TF: variants seen among roughly 807,000 people sequenced by gnomAD.
The protein encoded by TF is transferrin.
TF carries 55 observed loss-of-function variants against 82.4 expected under a neutral mutation model. That is an observed-to-expected ratio of 0.67 (90% CI 0.54 to 0.84). The LOEUF is 0.84. Ranked by LOEUF, TF falls within the 40% of genes least tolerant of loss-of-function variation. The probability of loss-of-function intolerance (pLI) is 0.00; values close to 1 mark genes in which losing one functional copy is unlikely to be tolerated. For missense variants in TF, 737 were observed against 868.4 expected (o/e 0.85, Z 1.90); for synonymous variants, 332 against 332.6 (o/e 1.00, Z 0.02).
At chr3:133,749,817 A>G (rs939697417) in intron 2 of TF, among the ~76,000 whole-genome samples, 1 of 152,196 alleles carries the variant, frequency 6.6e-6, no homozygotes, top group African/African-American at 2.4e-5. Context: ...TGGGGGAAAG[A>G]GCTAGGCTCC....
chr3:133,731,218 C>T, the TF span, among the ~76,000 whole-genome samples: 13 of 152,232 alleles, frequency 8.5e-5, no homozygotes, highest in African/African-American at 2.9e-4. Flanking sequence ...TCAGCTTAAC[C>T]AGCTGAACAG....
the TF span, among the ~76,000 whole-genome samples, chr3:133,682,356 CT>C: frequency 6.6e-6 from 1 of 152,184 alleles, no homozygotes; most frequent in Admixed American, 6.5e-5. Flanking sequence ...CAGAGAATGA[CT>C]TTGACGAGTT....
intron 10 of TF, 32 bp from the exon 11 acceptor site, chr3:133,764,832 AAATCAGGGTTT>A: frequency 6.3e-7 from 1 of 1,598,106 alleles, no homozygotes; most frequent in Non-Finnish European, 8.6e-7. Context: ...CCCAATCTAT[AAATCAGGGTTT>A]AATGCCTTTT....
At chr3:133,729,103 G>C in the TF span, among the ~76,000 whole-genome samples, 2 of 152,190 alleles carry the variant, frequency 1.3e-5, no homozygotes, top group African/African-American at 4.8e-5. Context: ...TGGGGGTCAG[G>C]GGTCAGAGGG....
intron 4 of TF, 140 bp downstream of exon 4, chr3:133,754,811 G>A (rs1034855838): frequency 3.1e-6 from 3 of 968,832 alleles, no homozygotes; most frequent in Admixed American, 3.6e-5. Context: ...CTTTAAACTG[G>A]CAGGTCTGCT....
the TF span, among the ~76,000 whole-genome samples, chr3:133,673,092 C>T: frequency 6.6e-6 from 1 of 152,026 alleles, no homozygotes; most frequent in Non-Finnish European, 1.5e-5. Flanking sequence ...ATTAATAGTT[C>T]GGCAGTAACT....
At chr3:133,699,611 C>T in the TF span, 1 of 542,932 alleles carries the variant, frequency 1.8e-6, no homozygotes, top group African/African-American at 1.9e-5. Context: ...AGAAGCTTCT[C>T]AACCAGGTCC....
intron 14 of TF, chr3:133,774,802 G>T: frequency 5.1e-6 from 1 of 194,680 alleles, no homozygotes; most frequent in Non-Finnish European, 1.1e-5. Flanking sequence ...ATAAAAATTA[G>T]CAAAACATAT....
At chr3:133,716,691 A>G in the TF span, among the ~76,000 whole-genome samples, 25 of 152,142 alleles carry the variant, frequency 1.6e-4, no homozygotes, top group Non-Finnish European at 3.2e-4. Context: ...GTTAAACTTA[A>G]AGCATTACAT....
At chr3:133,695,129 G>A in the TF span, among the ~76,000 whole-genome samples, 1 of 152,216 alleles carries the variant, frequency 6.6e-6, no homozygotes, top group Middle Eastern at 3.4e-3. Context: ...CCAGCAGTCC[G>A]GGCTGACCCT....
chr3:133,763,278 A>G (rs1310943872), intron 9 of TF, among the ~76,000 whole-genome samples: 1 of 152,254 alleles, frequency 6.6e-6, no homozygotes, highest in African/African-American at 2.4e-5. Flanking sequence ...ATGTGAAATT[A>G]CATACATTTC....
chr3:133,704,409 T>G, the TF span: 1 of 184,874 alleles, frequency 5.4e-6, no homozygotes, highest in Non-Finnish European at 1.2e-5. Flanking sequence ...AGTTTAGTGT[T>G]GAGATAATAA....
the TF span, among the ~76,000 whole-genome samples, chr3:133,710,342 G>A: frequency 6.6e-6 from 1 of 152,152 alleles, no homozygotes; most frequent in African/African-American, 2.4e-5. Context: ...GCTGGAGAGC[G>A]TCACAGCGCG....
the TF span, among the ~76,000 whole-genome samples, chr3:133,692,385 C>T: frequency 3.9e-5 from 6 of 152,132 alleles, no homozygotes; most frequent in Non-Finnish European, 5.9e-5. Context: ...ACCTTTACTT[C>T]GTGTTTGAGC....
the TF span, among the ~76,000 whole-genome samples, chr3:133,671,171 G>A: frequency 6.6e-6 from 1 of 152,222 alleles, no homozygotes; most frequent in African/African-American, 2.4e-5. Context: ...TTGGAGGTCA[G>A]AAGTCTGAAG....
chr3:133,685,489 G>A, the TF span, among the ~76,000 whole-genome samples: 1 of 152,144 alleles, frequency 6.6e-6, no homozygotes, highest in Non-Finnish European at 1.5e-5. Context: ...AAGCTGATAA[G>A]CAACTTCAGC....
At chr3:133,698,102 T>C in the TF span, among the ~76,000 whole-genome samples, 1 of 152,212 alleles carries the variant, frequency 6.6e-6, no homozygotes, top group Non-Finnish European at 1.5e-5. Flanking sequence ...GCACCTGGGG[T>C]GTTACCAAAT....
At chr3:133,700,961 C>T in the TF span, 31,523 of 152,578 alleles carry the variant, frequency 0.21, 3,527 homozygotes, top group Middle Eastern at 0.28. Flanking sequence ...TTTACTGATG[C>T]TGCCCATGGG....
the TF span, among the ~76,000 whole-genome samples, chr3:133,726,963 C>A: frequency 2.0e-5 from 3 of 151,930 alleles, no homozygotes; most frequent in Non-Finnish European, 4.4e-5. Context: ...TGTAGTTGAG[C>A]GGTTTTGAGT....
Sources: allele counts gnomAD v4.1 joint callset (sites outside exome capture counted in the v4.1 genomes callset), GRCh38; gene constraint gnomAD v4.1.1; transcripts MANE v1.5; gene names NCBI Gene and HGNC (gene_info 2026-07-23, HGNC 2026-07-21).